S1PR2: variants seen among roughly 807,000 people sequenced by gnomAD.
S1PR2 encodes the protein sphingosine-1-phosphate receptor 2.
Under a neutral mutation model 16.1 loss-of-function variants are expected in S1PR2, and 9 were observed. The observed-to-expected ratio is 0.56, with a 90% CI of 0.34 to 0.98. The LOEUF is 0.98. Among genes scored for constraint, S1PR2 ranks in the 50% least tolerant of loss-of-function variants. The pLI is 0.02. For synonymous variants in S1PR2, 224 were observed against 233.9 expected, an observed-to-expected ratio of 0.96 and a Z score of 0.38; for missense variants, 361 against 488.4, an observed-to-expected ratio of 0.74 and a Z score of 2.46.
chr19:10,226,504 G>A (rs944049222), intron 1 of S1PR2, among the ~76,000 whole-genome samples: 3 of 152,188 alleles, frequency 2.0e-5, no homozygotes, highest in Non-Finnish European at 4.4e-5. Flanking sequence ...CTCATAGTAA[G>A]CACTCAACAA....
At chr19:10,226,554 C>T (rs576283555) in intron 1 of S1PR2, among the ~76,000 whole-genome samples, 64 of 152,334 alleles carry the variant, frequency 4.2e-4, no homozygotes, top group African/African-American at 1.5e-3. Context: ...TTCCTCCAGT[C>T]CTTTGGGAAG....
chr19:10,230,968 G>A (rs531790156), intron 1 of S1PR2, among the ~76,000 whole-genome samples: 1 of 152,290 alleles, frequency 6.6e-6, no homozygotes, highest in South Asian at 2.1e-4. Context: ...TCTCCCCGGC[G>A]CCAACTTCCT....
At position 10,228,423 on chromosome 19, in the gene S1PR2, T is replaced by G. The variant is rs140102339; in HGVS notation, c.-43+2781A>C. Among the ~76,000 whole-genome samples the G allele has an allele frequency of 7.8e-3, 1,181 of 152,262 alleles. 17 individuals are homozygous for G. The highest frequency in any genetic ancestry group is 0.026 in the African/African-American group (1,101 of 41,548). On this transcript the variant is annotated intron_variant, in intron 1 of 1. Coordinates refer to ENST00000646641, the MANE Select transcript of S1PR2 (RefSeq NM_004230.4). ...GAGAGGAAGACTGGGGGTGCTGCAC[T>G]CTCACCTTCTGCAGCCCGGGGAGGC...
intron 1 of S1PR2, among the ~76,000 whole-genome samples, chr19:10,226,594 C>T (rs1001314264): frequency 9.2e-5 from 14 of 152,288 alleles, no homozygotes; most frequent in African/African-American, 3.4e-4. Context: ...CAGACGAGAT[C>T]TCCAACAGCC....
intron 1 of S1PR2, among the ~76,000 whole-genome samples, chr19:10,230,909 G>T (rs1045801593): frequency 2.0e-5 from 3 of 151,926 alleles, no homozygotes; most frequent in African/African-American, 7.3e-5. Context: ...CCCCGAGCAC[G>T]GCGTCCTGCC....
At chr19:10,230,203 C>T (rs969931591) in intron 1 of S1PR2, among the ~76,000 whole-genome samples, 11 of 152,338 alleles carry the variant, frequency 7.2e-5, no homozygotes, top group Admixed American at 5.9e-4. Context: ...GCACTCTCGG[C>T]CTCCTTATCT....
At chr19:10,230,342 T>G in intron 1 of S1PR2, 1 of 154,048 alleles carries the variant, frequency 6.5e-6, no homozygotes, top group East Asian at 1.9e-4. Context: ...TTCCTCTCCG[T>G]CCCGCCAGGG....
chr19:10,223,808 C>T lies in S1PR2; in HGVS notation c.*36G>A, dbSNP rs1266011953. The T allele has an allele frequency of 2.0e-6, 3 of 1,511,666 alleles. No homozygotes were observed. The highest frequency in any genetic ancestry group is 2.7e-6 in the Non-Finnish European group (3 of 1,130,520). The allele number at this position is 1,511,666 out of a possible 1,614,324, so 93.6% of individuals were successfully genotyped here. A position where few individuals can be genotyped will look rare whatever the true frequency, so the allele number is the denominator to read the frequency against. ...CACCCAGTGGCCTCTCCATGAACCC[C>T]TCTGCCCTGGCCTGGTTGTTGGTCC... On this transcript the variant is annotated 3_prime_UTR_variant, in exon 2 of 2. Transcript: ENST00000646641.
intron 1 of S1PR2, among the ~76,000 whole-genome samples, chr19:10,228,424 C>G (rs1461016161): frequency 6.6e-6 from 1 of 152,194 alleles, no homozygotes. Context: ...GTGCTGCACT[C>G]TCACCTTCTG....
intron 1 of S1PR2, among the ~76,000 whole-genome samples, chr19:10,227,717 C>T (rs923624527): frequency 1.3e-5 from 2 of 152,192 alleles, no homozygotes; most frequent in Non-Finnish European, 1.5e-5. Flanking sequence ...CAGTTGGGGG[C>T]GCTCTACGGC....
Position 10,224,874 on chromosome 19 carries a change from G to C in S1PR2, c.32C>G (p.Pro11Arg), listed in dbSNP as rs766650153. 2 of 1,612,754 alleles carry C rather than the reference G, an allele frequency of 1.2e-6. No individual in the cohort carries two copies. The highest frequency in any genetic ancestry group is 3.3e-5 in the Admixed American group (2 of 59,994). The change falls in exon 2 of 2, where the codon CCC (proline) becomes CGC (arginine). Residue 11 changes from proline (P) to arginine (R), a missense_variant. By Grantham distance (103) the Pro-to-Arg change is moderately radical. Transcript: ENST00000646641. MGSLYSEYLN[P>R]NKVQEHYNYT... ...ATTATAGTGTTCCTGGACCTTGTTG[G>C]GGTTCAGGTACTCCGAGTACAAGCT...
At chr19:10,229,470 A>G (rs530583034) in intron 1 of S1PR2, among the ~76,000 whole-genome samples, 1 of 151,944 alleles carries the variant, frequency 6.6e-6, no homozygotes, top group African/African-American at 2.4e-5. Flanking sequence ...TTGTATTTTT[A>G]GTAGAGATGG....
rs1266784465 is a variant in S1PR2, at chr19:10,224,048, G to A, written c.858C>T (p.Val286=). The change falls in exon 2 of 2, where the codon GTC becomes GTT. Residue 286 remains valine, a synonymous_variant. Coordinates refer to ENST00000646641, the MANE Select transcript of S1PR2 (RefSeq NM_004230.4). ...GGTCCCGGCTGCGCCACGTGTAGATGACGGGGTTGAGCAGGGAATTCAGGG... is the reference window on the plus strand; with the variant it reads ...GGTCCCGGCTGCGCCACGTGTAGATAACGGGGTTGAGCAGGGAATTCAGGG... ...VSTLNSLLNP[V]IYTWRSRDLR... 1.3e-6 allele frequency: 2 copies of A among 1,567,604 alleles called. No individual in the cohort carries two copies. Among genetic ancestry groups the A allele is most frequent in the South Asian group, 2.4e-5 (2 of 84,692 alleles).
At chr19:10,227,955 C>T (rs1246935987) in intron 1 of S1PR2, among the ~76,000 whole-genome samples, 3 of 151,992 alleles carry the variant, frequency 2.0e-5, no homozygotes, top group African/African-American at 4.8e-5. Context: ...GCAGTGCAGC[C>T]GCCCCCTCTG....
At chr19:10,230,194 CACT>C in intron 1 of S1PR2, among the ~76,000 whole-genome samples, 1 of 152,344 alleles carries the variant, frequency 6.6e-6, no homozygotes, top group East Asian at 1.9e-4. Flanking sequence ...TGCTGGCCCG[CACT>C]CTCGGCCTCC....
chr19:10,227,234 G>A (rs779860465), intron 1 of S1PR2, among the ~76,000 whole-genome samples: 2 of 152,038 alleles, frequency 1.3e-5, no homozygotes, highest in African/African-American at 4.8e-5. Context: ...CTAGAAACAC[G>A]TCTGGCAAGG....
chr19:10,230,286 C>T (rs578234027), intron 1 of S1PR2: 3 of 153,116 alleles, frequency 2.0e-5, no homozygotes, highest in African/African-American at 4.8e-5. Context: ...CCCCCGAGAC[C>T]GCCACACGCG....
chr19:10,224,342 C>T lies in S1PR2; in HGVS notation c.564G>A (p.Lys188=). 3 of 1,614,134 alleles carry T rather than the reference C, an allele frequency of 1.9e-6. No homozygotes were observed. The highest frequency in any genetic ancestry group is 2.2e-5 in the East Asian group (1 of 44,892). The part of the protein sequence containing the change: ...ACSTVLPLYA[K]HYVLCVVTIF... Reference sequence around the variant, plus strand: ...TGGTCACCACGCACAGCACATAATGCTTGGCGTAGAGAGGCAGGACAGTGG... The same window carrying T: ...TGGTCACCACGCACAGCACATAATGTTTGGCGTAGAGAGGCAGGACAGTGG... Residue 188 remains lysine, a synonymous_variant, in exon 2 of 2, where the codon AAG becomes AAA. Transcript: ENST00000646641.
intron 1 of S1PR2, among the ~76,000 whole-genome samples, chr19:10,230,719 G>C (rs1243406792): frequency 6.6e-6 from 1 of 152,200 alleles, no homozygotes; most frequent in Non-Finnish European, 1.5e-5. Flanking sequence ...CCGGGGGACC[G>C]GAGGAGGCAA....
Sources: allele counts gnomAD v4.1 joint callset (sites outside exome capture counted in the v4.1 genomes callset), GRCh38; gene constraint gnomAD v4.1.1; transcripts MANE v1.5; gene names NCBI Gene and HGNC (gene_info 2026-07-23, HGNC 2026-07-21).